Variants in FHOD3 observed in about 807,000 individuals in gnomAD.
The protein encoded by FHOD3 is formin homology 2 domain containing 3, also known as FH1/FH2 domain-containing protein 3.
In FHOD3, 90 loss-of-function variants were observed where a neutral mutation model predicts 173.0. That is an observed-to-expected ratio of 0.52 (90% CI 0.44 to 0.62). The LOEUF is 0.62. Among genes scored for constraint, FHOD3 ranks in the 20% least tolerant of loss-of-function variants. The pLI, the probability that FHOD3 is intolerant of heterozygous loss-of-function variation, is 0.00. For synonymous variants in FHOD3, 828 were observed against 823.0 expected, an observed-to-expected ratio of 1.01 and a Z score of -0.10; for missense variants, 1,945 against 2,034.7, an observed-to-expected ratio of 0.96 and a Z score of 0.85.
intron 3 of FHOD3, among the ~76,000 whole-genome samples, chr18:36,414,941 T>C (rs1417543152): frequency 6.6e-6 from 1 of 152,146 alleles, no homozygotes; most frequent in African/African-American, 2.4e-5. Context: ...GCCCCTTTTC[T>C]CTAGGCCATT....
At chr18:36,703,645 G>A (rs965491677) in intron 17 of FHOD3, among the ~76,000 whole-genome samples, 13 of 152,144 alleles carry the variant, frequency 8.5e-5, no homozygotes, top group African/African-American at 2.7e-4. Flanking sequence ...GTGAGGTTTT[G>A]GGGACCAGAT....
At chr18:36,570,098 C>T (rs184275647) in intron 5 of FHOD3, among the ~76,000 whole-genome samples, 1 of 151,578 alleles carries the variant, frequency 6.6e-6, no homozygotes, top group African/African-American at 2.4e-5. Flanking sequence ...TAGAGAAAAT[C>T]AATGAAACAA....
intron 15 of FHOD3, among the ~76,000 whole-genome samples, chr18:36,684,308 C>T (rs2038454938): frequency 6.6e-6 from 1 of 151,930 alleles, no homozygotes; most frequent in African/African-American, 2.4e-5. Context: ...GTACAGAATA[C>T]AATCCAAAAT....
intron 10 of FHOD3, among the ~76,000 whole-genome samples, chr18:36,634,589 A>C (rs1258765690): frequency 1.3e-5 from 2 of 152,156 alleles, no homozygotes; most frequent in Non-Finnish European, 2.9e-5. Context: ...TTAATCTACA[A>C]AATCTGCAAC....
chr18:36,366,387 C>T (rs1475504488), intron 2 of FHOD3, among the ~76,000 whole-genome samples: 1 of 152,096 alleles, frequency 6.6e-6, no homozygotes, highest in Non-Finnish European at 1.5e-5. Context: ...ACAGTAATAT[C>T]AACAAGGGTA....
intron 3 of FHOD3, among the ~76,000 whole-genome samples, chr18:36,408,146 C>G (rs1429576580): frequency 6.6e-6 from 1 of 152,188 alleles, no homozygotes; most frequent in Non-Finnish European, 1.5e-5. Context: ...AATCCTCTGT[C>G]CTGTCCATTC....
At chr18:36,608,987 TG>T (rs940939809) in intron 8 of FHOD3, among the ~76,000 whole-genome samples, 11 of 152,270 alleles carry the variant, frequency 7.2e-5, no homozygotes, top group African/African-American at 1.9e-4. Context: ...TTTGCCACAA[TG>T]GTTTTATCCT....
Position 36,297,751 on chromosome 18 carries a change from G to C in FHOD3, c.-85G>C. ...CGCGAGCCAGCGAGCTGCGGCTGCG[G>C]CCTCCCCTGCGCGCAGCTACCCGGG... On this transcript the variant is annotated 5_prime_UTR_variant, in exon 1 of 29. Coordinates refer to ENST00000590592, the MANE Select transcript of FHOD3 (RefSeq NM_001281740.3). 8.7e-7 allele frequency: 1 copy of C among 1,145,932 alleles called. No homozygotes were observed. The highest frequency in any genetic ancestry group is 2.9e-4 in the Middle Eastern group (1 of 3,476). The allele number at this position is 1,145,932 out of a possible 1,614,324, so 71.0% of individuals were successfully genotyped here.
intron 3 of FHOD3, among the ~76,000 whole-genome samples, chr18:36,476,714 T>A (rs1475518869): frequency 6.6e-6 from 1 of 152,198 alleles, no homozygotes; most frequent in Non-Finnish European, 1.5e-5. Flanking sequence ...CAAATTGAAT[T>A]ATACATCAAA....
intron 10 of FHOD3, among the ~76,000 whole-genome samples, chr18:36,645,794 A>AT (rs538991520): frequency 6.6e-6 from 1 of 152,016 alleles, no homozygotes; most frequent in Non-Finnish European, 1.5e-5. Flanking sequence ...TTGGCTTAAC[A>AT]TTTTTTTTAA....
At chr18:36,491,626 G>T (rs1272482696) in intron 3 of FHOD3, among the ~76,000 whole-genome samples, 1 of 151,234 alleles carries the variant, frequency 6.6e-6, no homozygotes, top group East Asian at 1.9e-4. Flanking sequence ...AGTCTCCACG[G>T]TTATGCTACT....
At chr18:36,660,581 A>T (rs1171089021) in intron 14 of FHOD3, among the ~76,000 whole-genome samples, 1 of 152,156 alleles carries the variant, frequency 6.6e-6, no homozygotes, top group Non-Finnish European at 1.5e-5. Context: ...GTAAGAGGAG[A>T]CGCAAAATGA....
rs766437892 is a variant in FHOD3, at chr18:36,709,364, G to A, written c.2506G>A (p.Asp836Asn). 2 of 1,614,064 alleles carry A rather than the reference G, an allele frequency of 1.2e-6. No individual in the cohort carries two copies. Among genetic ancestry groups the A allele is most frequent in the South Asian group, 2.2e-5 (2 of 91,082 alleles). ...CACGTTGGAGAGGGAGGAGAAGGAGGACAAGCTCTCCAGGGACAGGACAAC... is the reference window on the plus strand; with the variant it reads ...CACGTTGGAGAGGGAGGAGAAGGAGAACAAGCTCTCCAGGGACAGGACAAC... ...SSTLEREEKEDKLSRDRTTGL... is the reference protein window; with the variant it reads ...SSTLEREEKENKLSRDRTTGL... The change falls in exon 18 of 29, where the codon GAC (aspartate) becomes AAC (asparagine). Residue 836 changes from aspartate to asparagine, a missense_variant. Physicochemically the swap from Asp to Asn is conservative, Grantham distance 23. Around this residue, in one of 5 missense-constraint regions of FHOD3, gnomAD observed 1,099 missense variants for 1,051.2 expected, o/e 1.05. Transcript: ENST00000590592.
chr18:36,732,259 T>C lies in FHOD3; in HGVS notation c.3576+1455T>C, dbSNP rs147747260. On this transcript the variant is annotated intron_variant, in intron 20 of 28. Transcript: ENST00000590592. ...CAGTATGGTCCTGCTGACACCTTGA[T>C]TTTGGACTTCCAGATTCTAGAACTG... 9.8e-5 allele frequency among the ~76,000 whole-genome samples: 15 copies of C among 152,332 alleles called. No individual in the cohort carries two copies. In the East Asian group the frequency reaches 2.9e-3, roughly 29 times the overall value.
At chr18:36,763,518 G>A (rs1233808853) in intron 27 of FHOD3, among the ~76,000 whole-genome samples, 2 of 138,586 alleles carry the variant, frequency 1.4e-5, no homozygotes, top group Non-Finnish European at 1.6e-5. Flanking sequence ...TATTATACAC[G>A]TTATATATAA....
intron 7 of FHOD3, among the ~76,000 whole-genome samples, chr18:36,601,369 C>T (rs940770454): frequency 1.3e-5 from 2 of 152,176 alleles, no homozygotes; most frequent in African/African-American, 4.8e-5. Flanking sequence ...TCCTCTTAAA[C>T]AAATCCCCTT....
chr18:36,425,794 A>G (rs2050209884), intron 3 of FHOD3, among the ~76,000 whole-genome samples: 1 of 152,146 alleles, frequency 6.6e-6, no homozygotes, highest in Non-Finnish European at 1.5e-5. Context: ...GTGTACCTAT[A>G]ATTGGTAGTT....
intron 20 of FHOD3, among the ~76,000 whole-genome samples, chr18:36,736,541 T>C (rs2041641475): frequency 6.6e-6 from 1 of 152,212 alleles, no homozygotes; most frequent in Admixed American, 6.5e-5. Flanking sequence ...AATGGGAAAG[T>C]AATCTTCCCC....
At chr18:36,568,641 G>A (rs2058356734) in intron 5 of FHOD3, among the ~76,000 whole-genome samples, 1 of 152,106 alleles carries the variant, frequency 6.6e-6, no homozygotes, top group East Asian at 1.9e-4. Flanking sequence ...CACGGCAAGG[G>A]CTCTGAAAAC....
Sources: allele counts gnomAD v4.1 joint callset (sites outside exome capture counted in the v4.1 genomes callset), GRCh38; gene constraint gnomAD v4.1.1; regional missense constraint gnomAD v4.1.1; transcripts MANE v1.5; gene names NCBI Gene and HGNC (gene_info 2026-07-23, HGNC 2026-07-21).